VAV2: variants seen among roughly 807,000 people sequenced by gnomAD.
VAV2 encodes the protein vav guanine nucleotide exchange factor 2.
VAV2 carries 67 observed loss-of-function variants against 132.5 expected under a neutral mutation model. The observed-to-expected ratio is 0.51, with a 90% CI of 0.42 to 0.62. VAV2 has a LOEUF of 0.62. Ranked by LOEUF, VAV2 falls within the 20% of genes least tolerant of loss-of-function variation. The pLI is 0.00. For synonymous variants in VAV2, 492 were observed against 443.5 expected, an observed-to-expected ratio of 1.11 and a Z score of -1.37; for missense variants, 938 against 1,153.6, an observed-to-expected ratio of 0.81 and a Z score of 2.71.
At position 133,818,344 on chromosome 9, in the gene VAV2, T is replaced by C. The variant is rs561334533; in HGVS notation, c.450-6128A>G. 1.0e-4 allele frequency among the ~76,000 whole-genome samples: 14 copies of C among 139,430 alleles called. No individual in the cohort carries two copies. In the South Asian group the frequency reaches 1.6e-3, roughly 16 times the overall value. The allele number at this position is 139,430 out of a possible 152,430, so 91.5% of individuals were successfully genotyped here. ...TCGCGCCACTGCACTCCAGCCTGGG[T>C]GACAAAGCAAGACTCCATCTCAAAA... On this transcript the variant is annotated intron_variant, in intron 4 of 29. Transcript: ENST00000371850.
At chr9:133,855,229 G>A (rs1837340302) in intron 3 of VAV2, among the ~76,000 whole-genome samples, 1 of 152,266 alleles carries the variant, frequency 6.6e-6, no homozygotes, top group African/African-American at 2.4e-5. Context: ...CCTTCACCTT[G>A]GCTCACAGTG....
intron 2 of VAV2, among the ~76,000 whole-genome samples, chr9:133,920,246 G>C (rs1407609060): frequency 3.3e-5 from 5 of 152,200 alleles, no homozygotes; most frequent in Non-Finnish European, 5.9e-5. Context: ...AGAGAGTCCG[G>C]GCTCTGCCTC....
Position 133,861,245 on chromosome 9 carries a change from C to T in VAV2, c.380+129G>A, listed in dbSNP as rs544287830. On this transcript the variant is annotated intron_variant, in intron 3 of 29. Coordinates refer to ENST00000371850, the MANE Select transcript of VAV2 (RefSeq NM_001134398.2). ...GCCGCCAACGGGTTACGCGACAACA[C>T]GCTGCAAATGCATGATAAAGACACA... is the stretch of plus-strand genomic sequence containing the variant. 5.0e-5 allele frequency: 52 copies of T among 1,044,086 alleles called. No homozygotes were observed. In the African/African-American group the frequency reaches 5.4e-4, roughly 11 times the overall value. The allele number at this position is 1,044,086 out of a possible 1,614,324, so 64.7% of individuals were successfully genotyped here.
intron 1 of VAV2, among the ~76,000 whole-genome samples, chr9:133,951,290 G>A (rs768243628): frequency 1.4e-4 from 21 of 152,320 alleles, no homozygotes; most frequent in Non-Finnish European, 2.5e-4. Context: ...ATTGCCAAAC[G>A]GGCAACTACG....
At chr9:133,913,037 G>A (rs1839937747) in intron 2 of VAV2, among the ~76,000 whole-genome samples, 2 of 152,154 alleles carry the variant, frequency 1.3e-5, no homozygotes, top group South Asian at 2.1e-4. Flanking sequence ...AGGGCTGTTC[G>A]CAGACCGTGC....
At chr9:133,909,253 G>A (rs143132508) in intron 2 of VAV2, among the ~76,000 whole-genome samples, 253 of 152,258 alleles carry the variant, frequency 1.7e-3, no homozygotes, top group Middle Eastern at 3.4e-3. Flanking sequence ...TGCCTCCTCA[G>A]AAGGGGGGTG....
intron 2 of VAV2, among the ~76,000 whole-genome samples, chr9:133,877,798 G>T (rs908075569): frequency 6.6e-6 from 1 of 152,190 alleles, no homozygotes; most frequent in Non-Finnish European, 1.5e-5. Context: ...ATTTTAATGG[G>T]AAGGGGACTA....
chr9:133,913,049 A>G (rs62575345), intron 2 of VAV2, among the ~76,000 whole-genome samples: 1 of 152,174 alleles, frequency 6.6e-6, no homozygotes, highest in African/African-American at 2.4e-5. Flanking sequence ...AGACCGTGCA[A>G]ACCTCACCTC....
intron 4 of VAV2, among the ~76,000 whole-genome samples, chr9:133,829,245 T>C (rs1836170375): frequency 6.6e-6 from 1 of 152,260 alleles, no homozygotes; most frequent in African/African-American, 2.4e-5. Context: ...ATAAAGCATT[T>C]TTAAGTGGCA....
chr9:133,876,932 G>A (rs866633175), intron 2 of VAV2, among the ~76,000 whole-genome samples: 4 of 152,092 alleles, frequency 2.6e-5, no homozygotes, highest in South Asian at 2.1e-4. Flanking sequence ...GGGTCTGGAC[G>A]CACAGTGGCC....
At chr9:133,829,393 C>T (rs1197781111) in intron 4 of VAV2, among the ~76,000 whole-genome samples, 1 of 152,262 alleles carries the variant, frequency 6.6e-6, no homozygotes, top group Non-Finnish European at 1.5e-5. Context: ...CTGGCTCCAG[C>T]TCCCAGAAAG....
chr9:133,953,764 C>G (rs959782987), intron 1 of VAV2, among the ~76,000 whole-genome samples: 4 of 152,134 alleles, frequency 2.6e-5, no homozygotes, highest in African/African-American at 9.7e-5. Flanking sequence ...CCACACCCAC[C>G]CTGGGAAACC....
intron 2 of VAV2, among the ~76,000 whole-genome samples, chr9:133,900,961 G>A (rs138808123): frequency 0.016 from 2,464 of 150,960 alleles, 58 homozygotes; most frequent in African/African-American, 0.052. Flanking sequence ...CATCACGCCC[G>A]GCTAATTTTT....
At chr9:133,771,238 A>AT (rs1359573869) in intron 26 of VAV2, among the ~76,000 whole-genome samples, 1 of 151,788 alleles carries the variant, frequency 6.6e-6, no homozygotes, top group East Asian at 1.9e-4. Flanking sequence ...TAATTTTTGT[A>AT]TTTTTTGTAG....
intron 9 of VAV2, among the ~76,000 whole-genome samples, chr9:133,805,508 C>G (rs1032007214): frequency 5.9e-5 from 9 of 151,904 alleles, no homozygotes; most frequent in Admixed American, 2.0e-4. Flanking sequence ...CGCCATCTCC[C>G]CAGCCTCCGA....
intron 2 of VAV2, among the ~76,000 whole-genome samples, chr9:133,896,967 G>A (rs963066934): frequency 5.3e-5 from 8 of 151,970 alleles, no homozygotes; most frequent in Non-Finnish European, 1.2e-4. Flanking sequence ...GGTGGCGGGC[G>A]CCTGTAGTCC....
chr9:133,902,146 C>T (rs1243720766), intron 2 of VAV2, among the ~76,000 whole-genome samples: 1 of 152,016 alleles, frequency 6.6e-6, no homozygotes. Flanking sequence ...AAGGCCAGGC[C>T]CATCAGCTCC....
rs1461888824 is a variant in VAV2, at chr9:133,779,947, G to C, written c.1741-8C>G. The C allele has an allele frequency of 6.2e-7, 1 of 1,612,610 alleles. No homozygotes were observed. Among genetic ancestry groups the C allele is most frequent in the Non-Finnish European group, 8.5e-7 (1 of 1,179,740 alleles). ...TCCCGCTCCGGAGGCGTCCTGTGAG[G>C]ACAAGGACAGAACACAGAGATGAGG... On this transcript the variant is annotated splice_region_variant and splice_polypyrimidine_tract_variant and intron_variant, in intron 20 of 29. Coordinates refer to ENST00000371850, the MANE Select transcript of VAV2 (RefSeq NM_001134398.2).
At chr9:133,767,216 AT>A (rs1833467501) in intron 29 of VAV2, among the ~76,000 whole-genome samples, 1 of 152,196 alleles carries the variant, frequency 6.6e-6, no homozygotes, top group Non-Finnish European at 1.5e-5. Context: ...TTCCCCAACT[AT>A]TTATAAGAAA....
Sources: allele counts gnomAD v4.1 joint callset (sites outside exome capture counted in the v4.1 genomes callset), GRCh38; gene constraint gnomAD v4.1.1; transcripts MANE v1.5; gene names NCBI Gene and HGNC (gene_info 2026-07-23, HGNC 2026-07-21).